EXD3: variants seen among roughly 807,000 people sequenced by gnomAD.
The protein encoded by EXD3 is exonuclease 3'-5' domain containing 3.
A neutral mutation model predicts 98.0 loss-of-function variants in EXD3; 92 were observed. The observed-to-expected ratio is 0.94, with a 90% CI of 0.79 to 1.12. The LOEUF (loss-of-function observed/expected upper bound fraction) is 1.12, where lower values mean the gene tolerates loss of function less well. Among genes scored for constraint, EXD3 ranks in the 50% most tolerant of loss-of-function variants. EXD3 has a pLI of 0.00. For synonymous variants in EXD3, 569 were observed against 526.0 expected (o/e 1.08, Z -1.12); for missense variants, 1,222 against 1,191.6 (o/e 1.03, Z -0.38).
chr9:137,388,274 G>A (rs1179773690), intron 2 of EXD3, among the ~76,000 whole-genome samples: 2 of 152,150 alleles, frequency 1.3e-5, no homozygotes, highest in Non-Finnish European at 2.9e-5. Flanking sequence ...GCCTGAGGGT[G>A]TCCAGGCAGA....
At position 137,395,730 on chromosome 9, in the gene EXD3, G is replaced by A. The variant is rs1012174219; in HGVS notation, c.-47-326C>T. ...AGAGGGGCCTGTTCTTGAGGACAGC[G>A]TGACCCCCCTTGCCATGTCCCCCTC... On this transcript the variant is annotated intron_variant, in intron 1 of 21. Coordinates refer to ENST00000340951, the MANE Select transcript of EXD3 (RefSeq NM_017820.5). This position sits in a 1 kb window ranked among gnomAD's most constrained non-coding sequence, Gnocchi z 6.5. Among the ~76,000 whole-genome samples, 1 of 152,070 alleles carries A rather than the reference G, an allele frequency of 6.6e-6. No individual in the cohort carries two copies. The highest frequency in any genetic ancestry group is 1.5e-5 in the Non-Finnish European group (1 of 67,998).
At chr9:137,399,028 C>T (rs1837361614) in intron 1 of EXD3, among the ~76,000 whole-genome samples, 1 of 152,226 alleles carries the variant, frequency 6.6e-6, no homozygotes, top group African/African-American at 2.4e-5. Flanking sequence ...TGCACACCGA[C>T]ATCCCCGTGA....
At chr9:137,421,369 C>T (rs1432871418) in intron 1 of EXD3, among the ~76,000 whole-genome samples, 1 of 152,178 alleles carries the variant, frequency 6.6e-6, no homozygotes, top group East Asian at 1.9e-4. Context: ...ATTTATTTTA[C>T]AAGTAAATTG....
rs1178204820 is a variant in EXD3 at position 137,365,721 on chromosome 9, T to C, written c.656+772A>G. On this transcript the variant is annotated intron_variant, in intron 7 of 21. Transcript: ENST00000340951. ...ACGTACACACCCATGCACACACACA[T>C]ACAAACACACACCTACAGGCACACA... 75 of 270,752 alleles carry C rather than the reference T, an allele frequency of 2.8e-4. 1 individual carries two copies. Among genetic ancestry groups the C allele is most frequent in the African/African-American group, 2.0e-3 (70 of 35,080 alleles). 16.8% of individuals were successfully genotyped at this position (270,752 alleles called of 1,614,324 possible).
At chr9:137,362,537 T>C (rs934397866) in intron 7 of EXD3, among the ~76,000 whole-genome samples, 2 of 151,464 alleles carry the variant, frequency 1.3e-5, no homozygotes, top group African/African-American at 2.4e-5. Flanking sequence ...AGTCTCACTC[T>C]GTCCCCGGAG....
intron 7 of EXD3, chr9:137,365,463 C>G (rs981164552): frequency 6.5e-6 from 1 of 154,922 alleles, no homozygotes; most frequent in Admixed American, 6.3e-5. Context: ...AAGCCCCTCC[C>G]CTCCCAGATG....
chr9:137,398,701 TGACACACGTGCACCCGCATCCCCAA>T (rs1302007590), intron 1 of EXD3, among the ~76,000 whole-genome samples: 1 of 93,162 alleles, frequency 1.1e-5, no homozygotes, highest in African/African-American at 4.3e-5. Context: ...CACGTCCCCG[TGACACACGTGCACCCGCATCCCCAA>T]GACACACAGG....
chr9:137,411,770 G>A (rs1269973519), intron 1 of EXD3, among the ~76,000 whole-genome samples: 1 of 151,190 alleles, frequency 6.6e-6, no homozygotes. Context: ...TCGGGGAGGC[G>A]GAGGGCTTCC....
In EXD3 at chr9:137,415,958, G is replaced by C. The variant is rs746492515; in HGVS notation, c.-48+7156C>G. 7.2e-5 allele frequency among the ~76,000 whole-genome samples: 11 copies of C among 152,354 alleles called. No homozygotes were observed. In the South Asian group the frequency reaches 1.0e-3, roughly 14 times the overall value. Reference sequence around the variant, plus strand: ...CGTGTGAGGGCCTGGCTGCTCTGCCGACGGTGCCTCTGTGCTTTCTGTTTT... The same window carrying C: ...CGTGTGAGGGCCTGGCTGCTCTGCCCACGGTGCCTCTGTGCTTTCTGTTTT... On this transcript the variant is annotated intron_variant, in intron 1 of 21. Coordinates refer to ENST00000340951, the MANE Select transcript of EXD3 (RefSeq NM_017820.5).
At chr9:137,373,309 C>T (rs1835733672) in intron 4 of EXD3, 117 bp downstream of exon 4, 2 of 1,301,840 alleles carry the variant, frequency 1.5e-6, no homozygotes, top group East Asian at 2.5e-5. Flanking sequence ...GCATCCCCCT[C>T]CCCTTCCCTG....
chr9:137,309,738 T>C (rs1329160727), intron 19 of EXD3, 38 bp from the exon 20 acceptor site: 1 of 1,492,038 alleles, frequency 6.7e-7, no homozygotes, highest in South Asian at 1.2e-5. Flanking sequence ...CAGGCGGGGC[T>C]TCTCCGGGTG....
intron 7 of EXD3, among the ~76,000 whole-genome samples, chr9:137,363,834 A>C: frequency 6.6e-6 from 1 of 152,266 alleles, no homozygotes; most frequent in East Asian, 1.9e-4. Flanking sequence ...GGTCTATTAC[A>C]TCTAAATGGT....
rs572247304 is a variant in EXD3, at chr9:137,385,722, C to T, written c.56-2345G>A. Among the ~76,000 whole-genome samples, 20 of 152,116 alleles carry T rather than the reference C, an allele frequency of 1.3e-4. No homozygotes were observed. The highest frequency in any genetic ancestry group is 4.2e-4 in the South Asian group (2 of 4,758). ...CTAATTTTTGTATTTTTAGTAGAGA[C>T]GGGTTTTCACCATGTTGGCCAGGCT... On this transcript the variant is annotated intron_variant, in intron 2 of 21. Coordinates refer to ENST00000340951, the MANE Select transcript of EXD3 (RefSeq NM_017820.5). This position sits in a 1 kb window ranked among gnomAD's most constrained non-coding sequence, Gnocchi z 4.4.
Position 137,349,560 on chromosome 9 carries a change from G to A in EXD3, c.1495-29C>T, listed in dbSNP as rs367726122. ...CTAAGACAGTGCCCTGCAGGGTAAC[G>A]CGTCTGGCCCTGGCGGCAGCACAGT... On this transcript the variant is annotated intron_variant, in intron 14 of 21. Transcript: ENST00000340951. This position sits in a 1 kb window ranked among gnomAD's most constrained non-coding sequence, Gnocchi z 7.4. The A allele has an allele frequency of 3.5e-5, 53 of 1,529,758 alleles. No homozygotes were observed. The highest frequency in any genetic ancestry group is 2.4e-4 in the Middle Eastern group (1 of 4,162). The allele number at this position is 1,529,758 out of a possible 1,614,324, so 94.8% of individuals were successfully genotyped here. A position where few individuals can be genotyped will look rare whatever the true frequency, so the allele number is the denominator to read the frequency against.
chr9:137,396,272 G>A (rs1837213270), intron 1 of EXD3, among the ~76,000 whole-genome samples: 1 of 151,498 alleles, frequency 6.6e-6, no homozygotes. Flanking sequence ...CTGGCCCCTG[G>A]GAGTGTTTTT....
At chr9:137,336,443 T>C (rs1833355190) in intron 17 of EXD3, among the ~76,000 whole-genome samples, 1 of 152,054 alleles carries the variant, frequency 6.6e-6, no homozygotes, top group East Asian at 1.9e-4. Context: ...GGTGGATTAC[T>C]TGAGGTCAGG....
At chr9:137,396,401 G>C (rs1317353982) in intron 1 of EXD3, among the ~76,000 whole-genome samples, 1 of 152,216 alleles carries the variant, frequency 6.6e-6, no homozygotes, top group Non-Finnish European at 1.5e-5. Context: ...ACACACAGCA[G>C]TTACACAAAG....
chr9:137,333,456 G>A (rs1026585010), intron 17 of EXD3, among the ~76,000 whole-genome samples: 3 of 152,052 alleles, frequency 2.0e-5, no homozygotes, highest in African/African-American at 7.2e-5. Flanking sequence ...ATACTACAAG[G>A]CTCTGTGGTA....
At chr9:137,369,475 G>A (rs1040190547) in intron 5 of EXD3, among the ~76,000 whole-genome samples, 1 of 152,230 alleles carries the variant, frequency 6.6e-6, no homozygotes, top group Non-Finnish European at 1.5e-5. Flanking sequence ...GTCAGGTGCA[G>A]GGAAGTGGAG....
Sources: gnomAD v4.1 joint callset for allele counts (sites outside exome capture counted in the v4.1 genomes callset) on GRCh38, gnomAD v4.1.1 for gene constraint, Gnocchi (gnomAD v3.1) non-coding constraint, MANE v1.5 for transcripts, NCBI Gene and HGNC (gene_info 2026-07-23, HGNC 2026-07-21) for gene names.